The following TTN variants were observed in gnomAD, a reference collection of about 807,000 sequenced individuals.
The protein encoded by TTN is connectin.
Under a neutral mutation model 3,223.0 loss-of-function variants are expected in TTN, and 1,525 were observed. The observed-to-expected ratio is 0.47, with a 90% CI of 0.45 to 0.49. The LOEUF is 0.49. Ranked by LOEUF, TTN falls within the 20% of genes least tolerant of loss-of-function variation. TTN has a pLI of 0.00. For missense variants in TTN, 40,786 were observed against 43,424.0 expected (o/e 0.94, Z 5.40); for synonymous variants, 14,094 against 15,161.0 (o/e 0.93, Z 5.17).
chr2:178,650,323 A>G (rs2062731772), intron 209 of TTN, 52 bp from the exon 210 acceptor site: 1 of 1,422,128 alleles, frequency 7.0e-7, no homozygotes, highest in Non-Finnish European at 9.6e-7. Flanking sequence ...ATATTCTAAG[A>G]TGGACAAACA....
At position 178,566,846 on chromosome 2, in the gene TTN, C is replaced by T; in HGVS notation, c.79286G>A (p.Ser26429Asn). The change falls in exon 326 of 363, where the codon AGT becomes AAT. Residue 26429 changes from serine to asparagine, a missense_variant. Physicochemically the swap from Ser to Asn is conservative, Grantham distance 46. Transcript: ENST00000589042. ...IGYIVEKRDRSGIRWIKCNKR... is the reference protein window; with the variant it reads ...IGYIVEKRDRNGIRWIKCNKR... ...ATTACATTTTATCCATCGAATGCCA[C>T]TTCTGTCTCTTTTCTCTACAATGTA... 1.2e-6 allele frequency: 2 copies of T among 1,613,442 alleles called. No homozygotes were observed. Among genetic ancestry groups the T allele is most frequent in the African/African-American group, 2.7e-5 (2 of 74,996 alleles).
In TTN at chr2:178,731,192, T is replaced by C. The variant is rs778914141; in HGVS notation, c.17473A>G (p.Ile5825Val). Reference protein sequence around the residue: ...ALLSVKEPATITEEAVSIDVT... With the variant: ...ALLSVKEPATVTEEAVSIDVT... ...TCTATAGACACAGCTTCCTCGGTGA[T>C]TGTTGCAGGTTCTGTAGAAAACAAA... The change falls in exon 60 of 363, where the codon ATC (isoleucine) becomes GTC (valine). Residue 5825 changes from isoleucine (I) to valine (V), a missense_variant. By Grantham distance (29) the Ile-to-Val change is conservative (BLOSUM62 3). Transcript: ENST00000589042. The C allele has an allele frequency of 4.3e-6, 7 of 1,613,114 alleles. No individual in the cohort carries two copies. The Admixed American group carries it at 8.3e-5, about 19-fold the overall frequency.
chr2:178,526,845 C>A lies in TTN; in HGVS notation c.*167G>T. 1 of 605,580 alleles carries A rather than the reference C, an allele frequency of 1.7e-6. No individual in the cohort carries two copies. Among genetic ancestry groups the A allele is most frequent in the Non-Finnish European group, 2.7e-6 (1 of 363,960 alleles). 37.5% of individuals were successfully genotyped at this position (605,580 alleles called of 1,614,324 possible). A position where few individuals can be genotyped will look rare whatever the true frequency, so the allele number is the denominator to read the frequency against. ...TAGCAAATGTATTATATTCTTAGGT[C>A]AACAATTATGAAAAGATTGAAATGA... On this transcript the variant is annotated 3_prime_UTR_variant, in exon 363 of 363. Transcript: ENST00000589042.
chr2:178,664,483 C>A lies in TTN; in HGVS notation c.36257G>T (p.Arg12086Met). 1 of 1,612,288 alleles carries A rather than the reference C, an allele frequency of 6.2e-7. No individual in the cohort carries two copies. The highest frequency in any genetic ancestry group is 1.1e-5 in the South Asian group (1 of 91,038). ...ACCTTTGACAGGTACAACTTCAGCC[C>A]TTTGGGGAGGATGCACTTTCTTTTC... ...VPEKKVHPPQ[R>M]AEVVPVKVHE... Residue 12086 changes from arginine to methionine, a missense_variant, in exon 168 of 363, where the codon AGG becomes ATG. Arg to Met is a moderately conservative substitution (Grantham distance 91). Coordinates refer to ENST00000589042, the MANE Select transcript of TTN (RefSeq NM_001267550.2).
Position 178,571,327 on chromosome 2 carries a change from A to G in TTN, c.74805T>C (p.Asp24935=). 1 of 1,613,446 alleles carries G rather than the reference A, an allele frequency of 6.2e-7. No individual in the cohort carries two copies. Among genetic ancestry groups the G allele is most frequent in the Non-Finnish European group, 8.5e-7 (1 of 1,179,580 alleles). The change falls in exon 326 of 363, where the codon GAT becomes GAC. Residue 24935 remains aspartate (D), a synonymous_variant. Coordinates refer to ENST00000589042, the MANE Select transcript of TTN (RefSeq NM_001267550.2). ...MEVQWNEPIS[D]GGSRVIGYHL... ...GATAGCCAATGACTCTACTTCCTCCATCACTGATTGGCTCATTCCATTGTA... is the reference window on the plus strand; with the variant it reads ...GATAGCCAATGACTCTACTTCCTCCGTCACTGATTGGCTCATTCCATTGTA...
At position 178,601,465 on chromosome 2, in the gene TTN, A is replaced by C. The variant is rs2053434343; in HGVS notation, c.55532T>G (p.Ile18511Ser). Reference sequence around the variant, plus strand: ...CCTCTTCTCAATAACATAGCCTTTGATCCTGTCTCCTCCATCGTCGTCTGG... The same window carrying C: ...CCTCTTCTCAATAACATAGCCTTTGCTCCTGTCTCCTCCATCGTCGTCTGG... ...KMPDDDGGDR[I>S]KGYVIEKRTI... The change falls in exon 287 of 363, where the codon ATC (isoleucine) becomes AGC (serine). Residue 18511 changes from isoleucine to serine, a missense_variant. By Grantham distance (142) the Ile-to-Ser change is moderately radical. Transcript: ENST00000589042. 6.2e-7 allele frequency: 1 copy of C among 1,612,848 alleles called. No homozygotes were observed. The highest frequency in any genetic ancestry group is 1.7e-5 in the Admixed American group (1 of 59,920).
At chr2:178,732,003 G>T in intron 57 of TTN, 32 bp from the exon 58 acceptor site, 1 of 1,592,164 alleles carries the variant, frequency 6.3e-7, no homozygotes, top group Non-Finnish European at 8.6e-7. Context: ...TTGCATTAAG[G>T]GAGGAGGGGT....
intron 111 of TTN, 82 bp downstream of exon 111, chr2:178,701,038 C>T (rs1218093729): frequency 2.3e-6 from 3 of 1,297,144 alleles, no homozygotes; most frequent in African/African-American, 1.5e-5. Context: ...ACTAGAGGGC[C>T]AATGCGTTGT....
chr2:178,586,227 A>T (rs917077412), intron 308 of TTN, among the ~76,000 whole-genome samples: 3 of 152,028 alleles, frequency 2.0e-5, no homozygotes, highest in African/African-American at 4.8e-5. Flanking sequence ...TTTGTTGTAC[A>T]GCCAATATTT....
chr2:178,554,073 A>G lies in TTN; in HGVS notation c.89038T>C (p.Trp29680Arg). The change falls in exon 333 of 363, where the codon TGG becomes CGG. Residue 29680 changes from tryptophan (W) to arginine (R), a missense_variant. Coordinates refer to ENST00000589042, the MANE Select transcript of TTN (RefSeq NM_001267550.2). ...LEKRDKKSLG[W>R]FKVLKETIRD... ...ATAGTCTCTTTTAGTACTTTAAACC[A>G]TCCTAGGCTCTTCTTGTCTCGTTTT... 6.2e-7 allele frequency: 1 copy of G among 1,613,896 alleles called. No individual in the cohort carries two copies. The highest frequency in any genetic ancestry group is 1.1e-5 in the South Asian group (1 of 91,082).
In TTN at chr2:178,705,310, A is replaced by G. The variant is rs962438568; in HGVS notation, c.29468T>C (p.Ile9823Thr). ...ATCAACATTTTTGAGAAGTTCCATG[A>G]TATCAATTTCCTCTTCTTCTCCAGC... ...KGAGEEEEID[I>T]MELLKNVDPK... Residue 9823 changes from isoleucine (I) to threonine (T), a missense_variant, in exon 103 of 363, where the codon ATC becomes ACC. Physicochemically the swap from Ile to Thr is moderately conservative, Grantham distance 89. Transcript: ENST00000589042. 4 of 1,610,808 alleles carry G rather than the reference A, an allele frequency of 2.5e-6. No individual in the cohort carries two copies. The highest frequency in any genetic ancestry group is 3.4e-5 in the Admixed American group (2 of 59,608).
rs879227690 is a variant in TTN at position 178,619,787 on chromosome 2, G to T, written c.46530C>A (p.Val15510=). The T allele has an allele frequency of 6.2e-7, 1 of 1,612,266 alleles. No homozygotes were observed. The highest frequency in any genetic ancestry group is 8.5e-7 in the Non-Finnish European group (1 of 1,178,912). ...CAACCATGTTATTTCTTAGCCATTG[G>T]ACTTCCACCTTATCTTTATTGAGTT... ...LAELNKDKVE[V]QWLRNNMVVV... Residue 15510 remains valine (V), a synonymous_variant, in exon 250 of 363, where the codon GTC becomes GTA. Coordinates refer to ENST00000589042, the MANE Select transcript of TTN (RefSeq NM_001267550.2).
In TTN at chr2:178,571,296, C is replaced by T. The variant is rs758242306; in HGVS notation, c.74836G>A (p.Glu24946Lys). Residue 24946 changes from glutamate (E) to lysine (K), a missense_variant, in exon 326 of 363, where the codon GAA becomes AAA. Transcript: ENST00000589042. ...GGSRVIGYHL[E>K]RKERNSILWV... ...AGGATGCTATTTCTTTCCTTGCGTT[C>T]TAGATGATAGCCAATGACTCTACTT... 1 of 1,613,314 alleles carries T rather than the reference C, an allele frequency of 6.2e-7. No homozygotes were observed. The highest frequency in any genetic ancestry group is 1.7e-5 in the Admixed American group (1 of 59,964).
chr2:178,720,454 C>T lies in TTN; in HGVS notation c.23308G>A (p.Gly7770Arg), dbSNP rs374739582. 5.9e-5 allele frequency: 96 copies of T among 1,613,524 alleles called. No individual in the cohort carries two copies. Among genetic ancestry groups the T allele is most frequent in the Middle Eastern group, 1.6e-4 (1 of 6,078 alleles). Residue 7770 changes from glycine to arginine, a missense_variant, in exon 80 of 363, where the codon GGG (glycine) becomes AGG (arginine). Physicochemically the swap from Gly to Arg is moderately radical, Grantham distance 125. Transcript: ENST00000589042. ...HILNLEASDV[G>R]EYHCKATNEV... is the part of the protein sequence containing the mutation. The stretch of plus-strand genomic sequence containing the variant: ...TTAGTAGCTTTGCAGTGATATTCCC[C>T]GACATCGGAGGCTTCAAGATTAAGG...
At chr2:178,791,014 G>A (rs895556337) in intron 10 of TTN, among the ~76,000 whole-genome samples, 169 bp from the exon 11 acceptor site, 15 of 152,184 alleles carry the variant, frequency 9.9e-5, no homozygotes, top group African/African-American at 3.6e-4. Context: ...CTGCTTTCCT[G>A]AGGAATGGGC....
chr2:178,762,936 A>G (rs1331699642), intron 43 of TTN, among the ~76,000 whole-genome samples: 1 of 152,218 alleles, frequency 6.6e-6, no homozygotes, highest in Non-Finnish European at 1.5e-5. Context: ...TTAGATTTCT[A>G]GATCACCATC....
chr2:178,580,342 G>A lies in TTN; in HGVS notation c.67037C>T (p.Thr22346Ile). ...LENSCGKKEY[T>I]IVVKVLDTPG... ...CTTACCAAGCACTTTCACAACAATG[G>A]TATATTCCTTTTTACCACAGCTGTT... The change falls in exon 317 of 363, where the codon ACC (threonine) becomes ATC (isoleucine). Residue 22346 changes from threonine (T) to isoleucine (I), a missense_variant. By Grantham distance (89) the Thr-to-Ile change is moderately conservative. Coordinates refer to ENST00000589042, the MANE Select transcript of TTN (RefSeq NM_001267550.2). 6.2e-7 allele frequency: 1 copy of A among 1,612,944 alleles called. No individual in the cohort carries two copies. Among genetic ancestry groups the A allele is most frequent in the Non-Finnish European group, 8.5e-7 (1 of 1,179,354 alleles).
intron 248 of TTN, 30 bp downstream of exon 248, chr2:178,620,187 A>G (rs1230743565): frequency 3.9e-6 from 6 of 1,554,072 alleles, no homozygotes; most frequent in Non-Finnish European, 5.2e-6. Flanking sequence ...ATATAGCTAC[A>G]GAAATAGAGA....
In TTN at chr2:178,530,337, CA is replaced by C; in HGVS notation, c.106277del (p.Leu35426CysfsTer52). ...ISSKPVIVTG[L>X]QDTTVSSDSV... is the part of the protein sequence containing the mutation. ...TGTCTGAAGAAACAGTTGTATCCTG[CA>C]ACCCAGTAACAATTACTGGTTTTGA... On this transcript the variant is annotated frameshift_variant, in exon 358 of 363. Coordinates refer to ENST00000589042, the MANE Select transcript of TTN (RefSeq NM_001267550.2). LOFTEE classifies it high-confidence loss of function. 2 of 1,613,980 alleles carry C rather than the reference CA, an allele frequency of 1.2e-6. No individual in the cohort carries two copies. Among genetic ancestry groups the C allele is most frequent in the Non-Finnish European group, 1.7e-6 (2 of 1,179,878 alleles).
Sources: gnomAD v4.1 joint callset for allele counts (sites outside exome capture counted in the v4.1 genomes callset) on GRCh38, gnomAD v4.1.1 for gene constraint, MANE v1.5 for transcripts, NCBI Gene and HGNC (gene_info 2026-07-23, HGNC 2026-07-21) for gene names.